PRKDC: variants seen among roughly 807,000 people sequenced by gnomAD.
PRKDC encodes the protein protein kinase, DNA-activated, catalytic subunit.
PRKDC carries 82 observed loss-of-function variants against 486.9 expected under a neutral mutation model. The ratio of observed to expected loss-of-function variants is 0.17; its 90% CI spans 0.14 to 0.20. The LOEUF (loss-of-function observed/expected upper bound fraction) is 0.20. Ranked by LOEUF, PRKDC falls within the 10% of genes least tolerant of loss-of-function variation. The probability of loss-of-function intolerance (pLI) is 1.00; values close to 1 mark genes in which losing one functional copy is unlikely to be tolerated. For missense variants in PRKDC, 4,504 were observed against 5,038.2 expected, an observed-to-expected ratio of 0.89 and a Z score of 3.21; for synonymous variants, 1,895 against 1,837.0, an observed-to-expected ratio of 1.03 and a Z score of -0.81.
At chr8:47,776,094 G>A (rs1205307669) in intron 85 of PRKDC, among the ~76,000 whole-genome samples, 3 of 152,102 alleles carry the variant, frequency 2.0e-5, no homozygotes, top group African/African-American at 7.2e-5. Context: ...AAAGTGTTGA[G>A]GCGTGAGCCA....
rs1164492995 is a variant in PRKDC at position 47,890,051 on chromosome 8, G to A, written c.4071+206C>T. Among the ~76,000 whole-genome samples, 3 of 151,938 alleles carry A rather than the reference G, an allele frequency of 2.0e-5. No individual in the cohort carries two copies. The East Asian group carries it at 5.8e-4, about 29-fold the overall frequency. Reference sequence around the variant, plus strand: ...GACATATAACTTCTGACAATGCAAAGTTTTAGAAAAGCCAAAACCTAGCCT... The same window carrying A: ...GACATATAACTTCTGACAATGCAAAATTTTAGAAAAGCCAAAACCTAGCCT... On this transcript the variant is annotated intron_variant, in intron 32 of 85. Coordinates refer to ENST00000314191, the MANE Select transcript of PRKDC (RefSeq NM_006904.7).
At chr8:47,897,009 A>G (rs72647913) in intron 30 of PRKDC, among the ~76,000 whole-genome samples, 152 bp downstream of exon 30, 5,259 of 152,336 alleles carry the variant, frequency 0.035, 123 homozygotes, top group Middle Eastern at 0.068. Context: ...GCTGAAACAG[A>G]ACTGCATTAC....
At chr8:47,943,475 T>A in intron 9 of PRKDC, 109 bp from the exon 10 acceptor site, 1 of 1,149,590 alleles carries the variant, frequency 8.7e-7, no homozygotes, top group South Asian at 1.7e-5. Flanking sequence ...CAGGAAGATC[T>A]AGTACCATTA....
chr8:47,954,498 A>G, intron 4 of PRKDC, 52 bp from the exon 5 acceptor site: 1 of 690,098 alleles, frequency 1.4e-6, no homozygotes, highest in Non-Finnish European at 2.2e-6. Flanking sequence ...CAAGAAAAAA[A>G]ACACAATACA....
At chr8:47,837,178 A>G (rs1290011873) in intron 57 of PRKDC, 34 bp downstream of exon 57, 5 of 1,562,522 alleles carry the variant, frequency 3.2e-6, no homozygotes, top group African/African-American at 1.4e-5. Flanking sequence ...AAAGCCTATA[A>G]TATTCACTAC....
At chr8:47,959,947 G>A in intron 1 of PRKDC, 26 bp downstream of exon 1, 1 of 1,314,496 alleles carries the variant, frequency 7.6e-7, no homozygotes, top group South Asian at 1.2e-5. Flanking sequence ...GGACCCACCC[G>A]CGGCCCAGCT....
intron 49 of PRKDC, 107 bp downstream of exon 49, chr8:47,857,049 G>A (rs2088556904): frequency 8.1e-7 from 1 of 1,235,036 alleles, no homozygotes; most frequent in Non-Finnish European, 1.1e-6. Context: ...AACAAATGCT[G>A]AAAACCATAG....
intron 21 of PRKDC, among the ~76,000 whole-genome samples, chr8:47,922,318 C>A (rs78572563): frequency 6.6e-6 from 1 of 151,782 alleles, no homozygotes; most frequent in East Asian, 1.9e-4. Flanking sequence ...ATTTTTGTAA[C>A]GAAATTAGCC....
intron 69 of PRKDC, among the ~76,000 whole-genome samples, chr8:47,806,349 C>T (rs1403487195): frequency 6.6e-6 from 1 of 152,198 alleles, no homozygotes; most frequent in Non-Finnish European, 1.5e-5. Flanking sequence ...TTCAGATCGC[C>T]CCTTCTGGCC....
At chr8:47,904,522 G>A (rs1358811293) in intron 26 of PRKDC, among the ~76,000 whole-genome samples, 1 of 152,220 alleles carries the variant, frequency 6.6e-6, no homozygotes, top group African/African-American at 2.4e-5. Context: ...CCAAAGTGTT[G>A]GATTACAGGC....
chr8:47,901,285 C>CT (rs1240336715), intron 27 of PRKDC, among the ~76,000 whole-genome samples: 1 of 152,098 alleles, frequency 6.6e-6, no homozygotes, highest in Non-Finnish European at 1.5e-5. Context: ...ACCAGCTTGA[C>CT]TAACATGGTG....
intron 44 of PRKDC, 49 bp from the exon 45 acceptor site, chr8:47,861,020 G>A: frequency 1.6e-6 from 2 of 1,264,530 alleles, no homozygotes; most frequent in Non-Finnish European, 2.2e-6. Context: ...TAATAATAGT[G>A]ATACTTTTTC....
intron 35 of PRKDC, among the ~76,000 whole-genome samples, chr8:47,886,924 A>C (rs557036046): frequency 1.3e-5 from 2 of 152,200 alleles, no homozygotes; most frequent in Admixed American, 6.5e-5. Flanking sequence ...TCCTGGGCTC[A>C]AGCCATCTGC....
At chr8:47,819,363 A>G in intron 67 of PRKDC, 39 bp downstream of exon 67, 1 of 1,296,954 alleles carries the variant, frequency 7.7e-7, no homozygotes, top group Non-Finnish European at 1.1e-6. Context: ...ACTCTTCCAC[A>G]ATTAGAAATG....
intron 36 of PRKDC, among the ~76,000 whole-genome samples, chr8:47,883,197 T>G (rs2089258675): frequency 6.6e-6 from 1 of 152,224 alleles, no homozygotes; most frequent in Non-Finnish European, 1.5e-5. Flanking sequence ...TTCAGAACTC[T>G]AGGCTGAAGA....
chr8:47,953,554 A>G, intron 7 of PRKDC, 66 bp downstream of exon 7: 1 of 1,378,936 alleles, frequency 7.3e-7, no homozygotes, highest in African/African-American at 1.4e-5. Context: ...TCAAAGAAAT[A>G]ATCAGGCATT....
At chr8:47,938,586 G>T (rs1483048332) in intron 11 of PRKDC, among the ~76,000 whole-genome samples, 2 of 152,076 alleles carry the variant, frequency 1.3e-5, no homozygotes, top group East Asian at 1.9e-4. Flanking sequence ...ATTTTTAAGA[G>T]ATAGTGTCTC....
chr8:47,936,755 T>C (rs1476358708), intron 11 of PRKDC, among the ~76,000 whole-genome samples: 1 of 150,440 alleles, frequency 6.6e-6, no homozygotes, highest in Non-Finnish European at 1.5e-5. Flanking sequence ...TAGCTGGGAT[T>C]ACAGGCATGT....
chr8:47,855,066 T>A (rs917499666), intron 50 of PRKDC, among the ~76,000 whole-genome samples, 156 bp downstream of exon 50: 1 of 152,186 alleles, frequency 6.6e-6, no homozygotes, highest in Non-Finnish European at 1.5e-5. Context: ...ACGCATCTGG[T>A]GCCACACTCT....
Sources: gnomAD v4.1 joint callset for allele counts (sites outside exome capture counted in the v4.1 genomes callset) on GRCh38, gnomAD v4.1.1 for gene constraint, MANE v1.5 for transcripts, NCBI Gene and HGNC (gene_info 2026-07-23, HGNC 2026-07-21) for gene names.